Variants in UNC80 observed in about 807,000 individuals in gnomAD.
The protein encoded by UNC80 is protein unc-80 homolog.
A neutral mutation model predicts 384.6 loss-of-function variants in UNC80; 164 were observed. That is an observed-to-expected ratio of 0.43 (90% CI 0.38 to 0.49). The LOEUF (loss-of-function observed/expected upper bound fraction) is 0.49, where lower values mean the gene tolerates loss of function less well. UNC80 is among the 20% of genes least tolerant of loss of function. UNC80 has a pLI of 0.00. For missense variants in UNC80, 3,330 were observed against 4,143.0 expected, an observed-to-expected ratio of 0.80 and a Z score of 5.39; for synonymous variants, 1,486 against 1,527.8, an observed-to-expected ratio of 0.97 and a Z score of 0.64.
chr2:209,934,937 A>G (rs1260105384), intron 39 of UNC80, among the ~76,000 whole-genome samples: 1 of 152,222 alleles, frequency 6.6e-6, no homozygotes, highest in Non-Finnish European at 1.5e-5. Flanking sequence ...ACATACTTAA[A>G]AACAACTCAC....
At chr2:209,800,289 G>A (rs1332788305) in intron 7 of UNC80, among the ~76,000 whole-genome samples, 1 of 152,100 alleles carries the variant, frequency 6.6e-6, no homozygotes, top group Non-Finnish European at 1.5e-5. Flanking sequence ...AGTCTTGGTA[G>A]GGTGTATGCA....
intron 22 of UNC80, among the ~76,000 whole-genome samples, chr2:209,853,182 C>G (rs1291225836): frequency 4.6e-5 from 7 of 152,194 alleles, no homozygotes; most frequent in Middle Eastern, 3.4e-3. Flanking sequence ...TTCAATCTTG[C>G]ATTTTCTCCC....
At position 209,788,239 on chromosome 2, in the gene UNC80, AAACCCC is replaced by A. The variant is rs570092835; in HGVS notation, c.725-1291_725-1286del. On this transcript the variant is annotated intron_variant, in intron 5 of 64. Transcript: ENST00000673920. ...AGAGACCAGCCTGACCCACACGGAGAAACCCCATCTCTATTAAAAATACAAAATTAG... is the reference window on the plus strand; with the variant it reads ...AGAGACCAGCCTGACCCACACGGAGAATCTCTATTAAAAATACAAAATTAG... 5.4e-4 allele frequency among the ~76,000 whole-genome samples: 82 copies of A among 152,250 alleles called. 1 individual carries two copies. The highest frequency in any genetic ancestry group is 1.5e-3 in the African/African-American group (64 of 41,550).
chr2:209,835,111 T>C (rs1352296170), intron 18 of UNC80, 101 bp downstream of exon 18: 9 of 959,234 alleles, frequency 9.4e-6, no homozygotes, highest in Non-Finnish European at 1.4e-5. Context: ...TTCATCTCCT[T>C]TGAATTTTGC....
intron 47 of UNC80, among the ~76,000 whole-genome samples, chr2:209,947,632 T>A (rs1053795829): frequency 2.0e-5 from 3 of 152,178 alleles, no homozygotes; most frequent in Admixed American, 2.0e-4. Context: ...GTTTCTTAAG[T>A]AGTGGTTCCC....
chr2:209,812,469 TAAG>T (rs2079434303), intron 7 of UNC80, among the ~76,000 whole-genome samples: 1 of 152,150 alleles, frequency 6.6e-6, no homozygotes. Context: ...AATATGAGCC[TAAG>T]AAGTTTAGGA....
At chr2:209,986,614 A>G (rs951781201) in intron 61 of UNC80, among the ~76,000 whole-genome samples, 1 of 152,176 alleles carries the variant, frequency 6.6e-6, no homozygotes, top group Non-Finnish European at 1.5e-5. Flanking sequence ...TCTTAGATCA[A>G]CTGCCGTTGA....
At chr2:209,858,739 A>AT (rs1224018818) in intron 22 of UNC80, among the ~76,000 whole-genome samples, 2 of 151,672 alleles carry the variant, frequency 1.3e-5, no homozygotes, top group East Asian at 1.9e-4. Flanking sequence ...TTTATATTTA[A>AT]TTTTTTTCAT....
chr2:209,955,212 G>A (rs1446368287), intron 48 of UNC80, among the ~76,000 whole-genome samples: 2 of 152,012 alleles, frequency 1.3e-5, no homozygotes, highest in Non-Finnish European at 2.9e-5. Flanking sequence ...AATTGTCTAC[G>A]CCTCCACCAA....
At position 209,777,327 on chromosome 2, in the gene UNC80, C is replaced by T; in HGVS notation, c.368C>T (p.Ala123Val). ...LHTLHWMLLEAPQDCNNERFG... is the reference protein window; with the variant it reads ...LHTLHWMLLEVPQDCNNERFG... ...ACTCTACACTGGATGCTTCTGGAGG[C>T]CCCCCAGGACTGCAACAATGAGCGG... is the stretch of plus-strand genomic sequence containing the variant. The change falls in exon 4 of 65, where the codon GCC becomes GTC. Residue 123 changes from alanine (A) to valine (V), a missense_variant. Physicochemically the swap from Ala to Val is moderately conservative, Grantham distance 64. This residue lies in a region of UNC80 where 937 missense variants were observed against 1,026.8 expected (regional missense o/e 0.91). Transcript: ENST00000673920. The T allele has an allele frequency of 1.2e-6, 2 of 1,613,980 alleles. No individual in the cohort carries two copies. Among genetic ancestry groups the T allele is most frequent in the South Asian group, 1.1e-5 (1 of 91,068 alleles).
chr2:209,893,972 C>T (rs1195849392), intron 26 of UNC80, among the ~76,000 whole-genome samples, 191 bp from the exon 27 acceptor site: 1 of 152,032 alleles, frequency 6.6e-6, no homozygotes, highest in Non-Finnish European at 1.5e-5. Context: ...GCTTTGTGTC[C>T]AAGAAATAAG....
chr2:209,801,295 A>G (rs929881813), intron 7 of UNC80, among the ~76,000 whole-genome samples: 3 of 149,864 alleles, frequency 2.0e-5, no homozygotes, highest in Non-Finnish European at 4.4e-5. Context: ...TCCCTTCACC[A>G]TTATGTAATG....
At chr2:209,963,998 A>G (rs2092672817) in intron 51 of UNC80, among the ~76,000 whole-genome samples, 2 of 152,208 alleles carry the variant, frequency 1.3e-5, no homozygotes, top group Non-Finnish European at 2.9e-5. Flanking sequence ...CCAGTCACAT[A>G]AAGCAATTGT....
chr2:209,857,014 T>C (rs945112012), intron 22 of UNC80, among the ~76,000 whole-genome samples: 1 of 152,066 alleles, frequency 6.6e-6, no homozygotes, highest in African/African-American at 2.4e-5. Context: ...GATCTAGAAC[T>C]CCTGACCTTA....
At position 209,912,677 on chromosome 2, in the gene UNC80, C is replaced by A. The variant is rs1300538315; in HGVS notation, c.4890+10C>A. On this transcript the variant is annotated intron_variant, in intron 30 of 64. Transcript: ENST00000673920. ...GTACATCAGACTTCAGGTATTGTTA[C>A]CTGGATCAGAAGGATTCATGGAACT... 16 of 1,535,286 alleles carry A rather than the reference C, an allele frequency of 1.0e-5. No individual in the cohort carries two copies. In the South Asian group the frequency reaches 1.8e-4, roughly 17 times the overall value.
Position 209,997,879 on chromosome 2 carries a change from A to G in UNC80, c.*2284A>G, listed in dbSNP as rs1172785926. The G allele has an allele frequency of 2.0e-5, 3 of 152,132 alleles. No individual in the cohort carries two copies. Among genetic ancestry groups the G allele is most frequent in the Non-Finnish European group, 4.4e-5 (3 of 68,032 alleles). The allele number at this position is 152,132 out of a possible 1,614,324, so 9.4% of individuals were successfully genotyped here. A position where few individuals can be genotyped will look rare whatever the true frequency, so the allele number is the denominator to read the frequency against. On this transcript the variant is annotated 3_prime_UTR_variant, in exon 65 of 65. Coordinates refer to ENST00000673920, the MANE Select transcript of UNC80 (RefSeq NM_001371986.1). ...TGTAATGGCTAAAGTATCTATATGTATGTGCATAAAACTGTCACAAGATGT... is the reference window on the plus strand; with the variant it reads ...TGTAATGGCTAAAGTATCTATATGTGTGTGCATAAAACTGTCACAAGATGT...
intron 51 of UNC80, among the ~76,000 whole-genome samples, chr2:209,965,049 AT>A (rs2092705152): frequency 6.6e-6 from 1 of 152,072 alleles, no homozygotes; most frequent in Non-Finnish European, 1.5e-5. Context: ...ACATACTGAA[AT>A]ATGTCTGGGT....
intron 60 of UNC80, 108 bp from the exon 61 acceptor site, chr2:209,984,748 T>G: frequency 1.0e-6 from 1 of 1,000,336 alleles, no homozygotes; most frequent in Non-Finnish European, 1.4e-6. Flanking sequence ...CGGTTAAATC[T>G]ATTTATTTTT....
At chr2:209,849,333 A>G (rs1215620682) in intron 21 of UNC80, 118 bp from the exon 22 acceptor site, 49 of 1,159,550 alleles carry the variant, frequency 4.2e-5, no homozygotes, top group Non-Finnish European at 5.3e-5. Context: ...AGTGAAGGAG[A>G]AAGTTTTCTG....
Sources: allele counts gnomAD v4.1 joint callset (sites outside exome capture counted in the v4.1 genomes callset), GRCh38; gene constraint gnomAD v4.1.1; regional missense constraint gnomAD v4.1.1; transcripts MANE v1.5; gene names NCBI Gene and HGNC (gene_info 2026-07-23, HGNC 2026-07-21).